The following PRKAR2A variants were observed in gnomAD, a reference collection of about 807,000 sequenced individuals.
PRKAR2A encodes the protein protein kinase cAMP-dependent type II regulatory subunit alpha, also known as cAMP-dependent protein kinase type II-alpha regulatory subunit.
Under a neutral mutation model 51.9 loss-of-function variants are expected in PRKAR2A, and 29 were observed. That is an observed-to-expected ratio of 0.56 (90% CI 0.42 to 0.76). The LOEUF is 0.76. PRKAR2A is among the 30% of genes least tolerant of loss of function. The probability of loss-of-function intolerance (pLI) is 0.00; values close to 1 mark genes in which losing one functional copy is unlikely to be tolerated. For synonymous variants in PRKAR2A, 178 were observed against 186.2 expected (o/e 0.96, Z 0.36); for missense variants, 445 against 512.1 (o/e 0.87, Z 1.26).
In PRKAR2A at chr3:48,828,399, A is replaced by G. The variant is rs2083104353; in HGVS notation, c.262+18936T>C. On this transcript the variant is annotated intron_variant, in intron 1 of 10. Transcript: ENST00000265563. ...TTTGTAATAACATTTACCTTAATAC[A>G]TAAACGCACTGTACAGGTACACAAA... Among the ~76,000 whole-genome samples the G allele has an allele frequency of 2.0e-5, 3 of 152,182 alleles. 1 individual carries two copies. The South Asian group carries it at 6.2e-4, about 32-fold the overall frequency.
At chr3:48,844,970 T>TA (rs2083439576) in intron 1 of PRKAR2A, among the ~76,000 whole-genome samples, 2 of 152,024 alleles carry the variant, frequency 1.3e-5, no homozygotes, top group Admixed American at 6.6e-5. Flanking sequence ...CCCTAAAACT[T>TA]AAAGTATAAT....
chr3:48,812,725 G>A (rs764067508), intron 1 of PRKAR2A, among the ~76,000 whole-genome samples: 5 of 152,220 alleles, frequency 3.3e-5, no homozygotes, highest in African/African-American at 9.6e-5. Flanking sequence ...CTTGTGATCC[G>A]CCCGCTTTGG....
At chr3:48,829,017 G>A (rs1276471854) in intron 1 of PRKAR2A, among the ~76,000 whole-genome samples, 1 of 151,506 alleles carries the variant, frequency 6.6e-6, no homozygotes. Context: ...ATATTTTTTG[G>A]TAGAGACGGG....
chr3:48,756,516 T>G, intron 8 of PRKAR2A, 72 bp from the exon 9 acceptor site: 1 of 1,100,012 alleles, frequency 9.1e-7, no homozygotes, highest in Non-Finnish European at 1.4e-6. Context: ...GATTGCTTTT[T>G]CACTGCTTAA....
At chr3:48,816,892 A>G (rs1452813281) in intron 1 of PRKAR2A, among the ~76,000 whole-genome samples, 1 of 152,072 alleles carries the variant, frequency 6.6e-6, no homozygotes, top group African/African-American at 2.4e-5. Flanking sequence ...CATTAAACCA[A>G]TTAAGGAGAC....
intron 1 of PRKAR2A, among the ~76,000 whole-genome samples, chr3:48,835,764 G>C (rs1003716130): frequency 1.2e-4 from 18 of 151,034 alleles, no homozygotes; most frequent in Non-Finnish European, 2.9e-5. Flanking sequence ...TGCAGCCTGA[G>C]TGACAGAGCA....
intron 2 of PRKAR2A, among the ~76,000 whole-genome samples, chr3:48,805,751 C>T (rs2107354886): frequency 6.6e-6 from 1 of 152,354 alleles, no homozygotes; most frequent in Middle Eastern, 3.4e-3. Context: ...ACTTTCTCTC[C>T]TGTATCATCC....
At chr3:48,790,446 C>T (rs760317517) in intron 4 of PRKAR2A, 98 bp downstream of exon 4, 12 of 729,270 alleles carry the variant, frequency 1.6e-5, no homozygotes, top group Admixed American at 2.9e-5. Context: ...ATGCTTAACA[C>T]GGCTGTGGCT....
chr3:48,829,480 C>T (rs2083130541), intron 1 of PRKAR2A, among the ~76,000 whole-genome samples: 1 of 150,730 alleles, frequency 6.6e-6, no homozygotes, highest in African/African-American at 2.4e-5. Flanking sequence ...GATCATGCCA[C>T]TGCATTCCAA....
At chr3:48,760,754 G>T (rs1246911892) in intron 8 of PRKAR2A, among the ~76,000 whole-genome samples, 1 of 150,236 alleles carries the variant, frequency 6.7e-6, no homozygotes, top group Admixed American at 6.7e-5. Context: ...AGAATCGCTT[G>T]AACACAGGAG....
rs1219199919 is a variant in PRKAR2A at position 48,749,670 on chromosome 3, CG to C, written c.*1914del. 6.6e-6 allele frequency: 1 copy of C among 151,902 alleles called. No homozygotes were observed. Among genetic ancestry groups the C allele is most frequent in the Non-Finnish European group, 1.5e-5 (1 of 68,026 alleles). The allele number at this position is 151,902 out of a possible 1,614,324, so 9.4% of individuals were successfully genotyped here. Reference sequence around the variant, plus strand: ...TAATTTTTTGTATTTTTAGTAGAGACGGGGTTTCACTATGTTGGCCAGGCTG... The same window carrying C: ...TAATTTTTTGTATTTTTAGTAGAGACGGGTTTCACTATGTTGGCCAGGCTG... On this transcript the variant is annotated 3_prime_UTR_variant, in exon 11 of 11. Coordinates refer to ENST00000265563, the MANE Select transcript of PRKAR2A (RefSeq NM_004157.4).
intron 5 of PRKAR2A, among the ~76,000 whole-genome samples, chr3:48,780,534 C>T (rs893452547): frequency 3.5e-5 from 5 of 144,578 alleles, no homozygotes; most frequent in South Asian, 2.2e-4. Flanking sequence ...ACCTGGGAGG[C>T]GGAGCTTGCA....
intron 5 of PRKAR2A, among the ~76,000 whole-genome samples, chr3:48,780,429 C>A (rs2082174883): frequency 6.6e-6 from 1 of 151,590 alleles, no homozygotes; most frequent in South Asian, 2.1e-4. Context: ...TGGTGAAACT[C>A]CATCTCTACT....
Position 48,847,196 on chromosome 3 carries a change from A to G in PRKAR2A, c.262+139T>C. 9.0e-7 allele frequency: 1 copy of G among 1,114,706 alleles called. No individual in the cohort carries two copies. The highest frequency in any genetic ancestry group is 1.2e-6 in the Non-Finnish European group (1 of 804,268). The allele number at this position is 1,114,706 out of a possible 1,614,324, so 69.1% of individuals were successfully genotyped here. On this transcript the variant is annotated intron_variant, in intron 1 of 10. Coordinates refer to ENST00000265563, the MANE Select transcript of PRKAR2A (RefSeq NM_004157.4). The surrounding 1 kb of genome is among the most constrained non-coding windows in gnomAD (Gnocchi z 4.4). Reference sequence around the variant, plus strand: ...GGGCTCACGCCGGTGTCTCAGGGAAACGCTAGAAACGCGGCTACAGAGCTC... The same window carrying G: ...GGGCTCACGCCGGTGTCTCAGGGAAGCGCTAGAAACGCGGCTACAGAGCTC...
intron 1 of PRKAR2A, among the ~76,000 whole-genome samples, chr3:48,845,613 G>A (rs989498953): frequency 4.6e-5 from 7 of 152,216 alleles, no homozygotes; most frequent in African/African-American, 1.2e-4. Flanking sequence ...CAAGGAAACT[G>A]TAATAGCTTC....
Position 48,764,986 on chromosome 3 carries a change from C to A in PRKAR2A, c.873+18G>T, listed in dbSNP as rs754475953. ...GGGGTGACTTCCAGGAAAGGAGCTGCGTAAAGCCCTCACTCACCTGAGTGA... is the reference window on the plus strand; with the variant it reads ...GGGGTGACTTCCAGGAAAGGAGCTGAGTAAAGCCCTCACTCACCTGAGTGA... On this transcript the variant is annotated intron_variant, in intron 8 of 10. Coordinates refer to ENST00000265563, the MANE Select transcript of PRKAR2A (RefSeq NM_004157.4). The A allele has an allele frequency of 1.4e-5, 22 of 1,609,374 alleles. No individual in the cohort carries two copies. Among genetic ancestry groups the A allele is most frequent in the Non-Finnish European group, 1.8e-5 (21 of 1,176,132 alleles).
intron 1 of PRKAR2A, among the ~76,000 whole-genome samples, chr3:48,830,199 G>A (rs1043808571): frequency 6.8e-6 from 1 of 147,928 alleles, no homozygotes; most frequent in African/African-American, 2.5e-5. Context: ...GCGAAGCTCC[G>A]TCTCAAAAAA....
intron 2 of PRKAR2A, among the ~76,000 whole-genome samples, chr3:48,802,232 G>A (rs1291337665): frequency 6.6e-6 from 1 of 152,002 alleles, no homozygotes; most frequent in East Asian, 1.9e-4. Context: ...AGTAGAGACA[G>A]GATTTCACCA....
At chr3:48,786,269 T>C (rs2082290805) in intron 4 of PRKAR2A, among the ~76,000 whole-genome samples, 1 of 150,496 alleles carries the variant, frequency 6.6e-6, no homozygotes. Context: ...AGATTACAGG[T>C]GTGTGCCACC....
Sources: allele counts gnomAD v4.1 joint callset (sites outside exome capture counted in the v4.1 genomes callset), GRCh38; gene constraint gnomAD v4.1.1; non-coding constraint Gnocchi (gnomAD v3.1); transcripts MANE v1.5; gene names NCBI Gene and HGNC (gene_info 2026-07-23, HGNC 2026-07-21).